ARHGAP42: variants seen among roughly 807,000 people sequenced by gnomAD.
ARHGAP42 encodes rho GTPase-activating protein 42.
Under a neutral mutation model 125.0 loss-of-function variants are expected in ARHGAP42, and 63 were observed. That is an observed-to-expected ratio of 0.50 (90% CI 0.41 to 0.62). The LOEUF (loss-of-function observed/expected upper bound fraction) is 0.62, where lower values mean the gene tolerates loss of function less well. Ranked by LOEUF, ARHGAP42 falls within the 20% of genes least tolerant of loss-of-function variation. The probability of loss-of-function intolerance (pLI) is 0.00; values close to 1 mark genes in which losing one functional copy is unlikely to be tolerated. For missense variants in ARHGAP42, 766 were observed against 1,024.2 expected (o/e 0.75, Z 3.44); for synonymous variants, 339 against 351.0 (o/e 0.97, Z 0.38).
Position 100,823,219 on chromosome 11 carries a change from G to A in ARHGAP42, c.312+28053G>A, listed in dbSNP as rs139763509. Among the ~76,000 whole-genome samples the A allele has an allele frequency of 2.6e-5, 4 of 152,290 alleles. No individual in the cohort carries two copies. The East Asian group carries it at 5.8e-4, about 22-fold the overall frequency. On this transcript the variant is annotated intron_variant, in intron 3 of 23. Transcript: ENST00000298815. The stretch of plus-strand genomic sequence containing the variant: ...CACTGAAATCTTTTTGAAGAAGAAA[G>A]AACTGGGAATCAACATATTCCTTTT...
chr11:100,721,640 T>A (rs1861760817), intron 1 of ARHGAP42, among the ~76,000 whole-genome samples: 1 of 151,932 alleles, frequency 6.6e-6, no homozygotes, highest in Admixed American at 6.6e-5. Context: ...GCCCAGCTAA[T>A]TTTTTGTATT....
intron 3 of ARHGAP42, among the ~76,000 whole-genome samples, chr11:100,800,892 A>G (rs1268262948): frequency 1.3e-5 from 2 of 152,356 alleles, no homozygotes; most frequent in South Asian, 2.1e-4. Flanking sequence ...CTTCAGTCAC[A>G]TAAGTTAACA....
At chr11:100,804,421 A>G (rs1438464780) in intron 3 of ARHGAP42, among the ~76,000 whole-genome samples, 1 of 152,064 alleles carries the variant, frequency 6.6e-6, no homozygotes, top group African/African-American at 2.4e-5. Flanking sequence ...AATTTAAATA[A>G]TATTTTCTTT....
At chr11:100,779,560 ACG>A (rs1863242781) in intron 2 of ARHGAP42, among the ~76,000 whole-genome samples, 1 of 129,652 alleles carries the variant, frequency 7.7e-6, no homozygotes, top group Non-Finnish European at 1.7e-5. Context: ...ACATATACAT[ACG>A]TATATATACG....
At chr11:100,795,668 G>C (rs1591187161) in intron 3 of ARHGAP42, among the ~76,000 whole-genome samples, 1 of 152,166 alleles carries the variant, frequency 6.6e-6, no homozygotes, top group African/African-American at 2.4e-5. Flanking sequence ...TATATGCAAA[G>C]GTATTAGAGC....
chr11:100,887,303 CG>C (rs1866115441), intron 4 of ARHGAP42, among the ~76,000 whole-genome samples: 1 of 152,024 alleles, frequency 6.6e-6, no homozygotes, highest in Non-Finnish European at 1.5e-5. Context: ...CTGTTCAGTC[CG>C]GGGTCAGTGG....
intron 3 of ARHGAP42, among the ~76,000 whole-genome samples, chr11:100,811,949 AT>A (rs1591201415): frequency 6.6e-6 from 1 of 152,008 alleles, no homozygotes; most frequent in East Asian, 1.9e-4. Context: ...TTTTAAAACA[AT>A]TTTTTAATGT....
At position 100,987,609 on chromosome 11, in the gene ARHGAP42, C is replaced by T. The variant is rs1481274515; in HGVS notation, c.2536+17C>T. Reference sequence around the variant, plus strand: ...TTTCTAATGGTAAGTATGTCAATTCCCTCTGCCTAAGTTTGTCATCATGGG... The same window carrying T: ...TTTCTAATGGTAAGTATGTCAATTCTCTCTGCCTAAGTTTGTCATCATGGG... On this transcript the variant is annotated intron_variant, in intron 23 of 23. Coordinates refer to ENST00000298815, the MANE Select transcript of ARHGAP42 (RefSeq NM_152432.4). 1.3e-6 allele frequency: 2 copies of T among 1,547,636 alleles called. No homozygotes were observed. Among genetic ancestry groups the T allele is most frequent in the East Asian group, 2.4e-5 (1 of 40,856 alleles).
chr11:100,934,245 A>G (rs941666244), intron 7 of ARHGAP42, among the ~76,000 whole-genome samples: 3 of 152,202 alleles, frequency 2.0e-5, no homozygotes, highest in East Asian at 1.9e-4. Flanking sequence ...GAGGCATTCA[A>G]AATAACTGCT....
chr11:100,865,393 C>T (rs910196521), intron 4 of ARHGAP42, among the ~76,000 whole-genome samples: 1 of 152,076 alleles, frequency 6.6e-6, no homozygotes, highest in Non-Finnish European at 1.5e-5. Context: ...ATTACAAATG[C>T]CTCAGTCAAC....
chr11:100,974,995 T>C (rs1005903911), intron 19 of ARHGAP42, among the ~76,000 whole-genome samples: 18 of 152,110 alleles, frequency 1.2e-4, no homozygotes, highest in Non-Finnish European at 2.1e-4. Context: ...TGGGTATCAG[T>C]GTCTGAAAGA....
intron 1 of ARHGAP42, among the ~76,000 whole-genome samples, chr11:100,716,592 A>G (rs1161751321): frequency 6.6e-6 from 1 of 152,106 alleles, no homozygotes; most frequent in Non-Finnish European, 1.5e-5. Flanking sequence ...GTGGTTTTAT[A>G]TCGTATAGGG....
chr11:100,755,419 G>A (rs543431320), intron 1 of ARHGAP42, among the ~76,000 whole-genome samples: 1 of 152,188 alleles, frequency 6.6e-6, no homozygotes, highest in Non-Finnish European at 1.5e-5. Flanking sequence ...AGCAGTAACA[G>A]TATACACAAT....
intron 1 of ARHGAP42, among the ~76,000 whole-genome samples, chr11:100,752,931 C>T (rs904286501): frequency 1.3e-5 from 2 of 152,278 alleles, no homozygotes; most frequent in East Asian, 1.9e-4. Context: ...AGGTGATGCT[C>T]GCAAGAGAAT....
intron 3 of ARHGAP42, 114 bp from the exon 4 acceptor site, chr11:100,859,440 A>C: frequency 1.2e-6 from 1 of 817,348 alleles, no homozygotes; most frequent in Non-Finnish European, 1.9e-6. Flanking sequence ...GTTTTTATAG[A>C]TGCAAACAAA....
In ARHGAP42 at chr11:100,687,691, A is replaced by G. The variant is rs749189564; in HGVS notation, c.13A>G (p.Thr5Ala). 12 of 1,537,762 alleles carry G rather than the reference A, an allele frequency of 7.8e-6. No individual in the cohort carries two copies. The highest frequency in any genetic ancestry group is 9.6e-6 in the Non-Finnish European group (11 of 1,140,540). The change falls in exon 1 of 24, where the codon ACT becomes GCT. Residue 5 changes from threonine to alanine, a missense_variant. By Grantham distance (58) the Thr-to-Ala change is moderately conservative. Around this residue, in one of 3 missense-constraint regions of ARHGAP42, gnomAD observed 455 missense variants for 636.5 expected, o/e 0.71. Transcript: ENST00000298815. Reference sequence around the variant, plus strand: ...CAGCGCCTGTGCCATGGGGCTGCCCACTCTGGAGTTCAGCGATTCCTACTT... The same window carrying G: ...CAGCGCCTGTGCCATGGGGCTGCCCGCTCTGGAGTTCAGCGATTCCTACTT... MGLP[T>A]LEFSDSYLDS...
chr11:100,756,162 GA>G (rs983951727), intron 1 of ARHGAP42, among the ~76,000 whole-genome samples: 1 of 142,570 alleles, frequency 7.0e-6, no homozygotes, highest in African/African-American at 2.6e-5. Context: ...AAGACAGGAG[GA>G]TGGCTTGAGG....
At chr11:100,882,556 G>A (rs1269072254) in intron 4 of ARHGAP42, among the ~76,000 whole-genome samples, 2 of 151,212 alleles carry the variant, frequency 1.3e-5, no homozygotes, top group Non-Finnish European at 2.9e-5. Context: ...TTGGTCTGTA[G>A]TTTTCTCTTT....
intron 1 of ARHGAP42, among the ~76,000 whole-genome samples, chr11:100,764,379 A>G (rs146268499): frequency 6.6e-6 from 1 of 152,310 alleles, no homozygotes; most frequent in African/African-American, 2.4e-5. Context: ...ATGCCATGAA[A>G]GAGCATCCAG....
Sources: allele counts gnomAD v4.1 joint callset (sites outside exome capture counted in the v4.1 genomes callset), GRCh38; gene constraint gnomAD v4.1.1; regional missense constraint gnomAD v4.1.1; transcripts MANE v1.5; gene names NCBI Gene and HGNC (gene_info 2026-07-23, HGNC 2026-07-21).